RBFOX1: variants seen among roughly 807,000 people sequenced by gnomAD.
RBFOX1 encodes RNA binding fox-1 homolog 1.
Under a neutral mutation model 57.7 loss-of-function variants are expected in RBFOX1, and 8 were observed. That is an observed-to-expected ratio of 0.14 (90% confidence interval 0.08 to 0.25). The LOEUF (loss-of-function observed/expected upper bound fraction) is 0.25, where lower values mean the gene tolerates loss of function less well. RBFOX1 is among the 10% of genes least tolerant of loss of function. The pLI is 1.00. For missense variants in RBFOX1, 611 were observed against 548.5 expected, an observed-to-expected ratio of 1.11 and a Z score of -1.14; for synonymous variants, 326 against 222.4, an observed-to-expected ratio of 1.47 and a Z score of -4.15.
intron 3 of RBFOX1, among the ~76,000 whole-genome samples, chr16:6,725,087 G>A (rs943373256): frequency 8.8e-6 from 1 of 113,842 alleles, no homozygotes; most frequent in South Asian, 3.1e-4. Flanking sequence ...GTCTTGCTCT[G>A]TCGCCCTTGC....
intron 1 of RBFOX1, among the ~76,000 whole-genome samples, chr16:6,246,629 G>A (rs143680816): frequency 6.6e-6 from 1 of 152,278 alleles, no homozygotes; most frequent in East Asian, 1.9e-4. Flanking sequence ...GAGAAAATGA[G>A]AAAATATGCC....
intron 4 of RBFOX1, among the ~76,000 whole-genome samples, chr16:7,174,311 T>C (rs149028469): frequency 1.3e-5 from 2 of 152,196 alleles, no homozygotes; most frequent in Non-Finnish European, 2.9e-5. Flanking sequence ...GTTTATCCAT[T>C]TACCCATTTA....
At chr16:6,656,532 G>A (rs2098653495) in intron 3 of RBFOX1, among the ~76,000 whole-genome samples, 1 of 150,906 alleles carries the variant, frequency 6.6e-6, no homozygotes, top group Non-Finnish European at 1.5e-5. Context: ...CATCTTGGTG[G>A]GAAAAAGTCA....
chr16:7,623,540 T>A (rs1447061566), intron 10 of RBFOX1, among the ~76,000 whole-genome samples: 2 of 152,040 alleles, frequency 1.3e-5, no homozygotes, highest in African/African-American at 4.8e-5. Context: ...CTTCCACTTA[T>A]CTGACAGGAG....
At chr16:6,006,067 G>C (rs2094925384) in intron 4 of RBFOX1, among the ~76,000 whole-genome samples, 1 of 152,252 alleles carries the variant, frequency 6.6e-6, no homozygotes, top group South Asian at 2.1e-4. Flanking sequence ...CAGAGGTTGA[G>C]AGGCAATGAG....
chr16:7,144,417 C>CTTTTTTTTTTTTTT (rs1190886141), intron 4 of RBFOX1, among the ~76,000 whole-genome samples: 3 of 66,912 alleles, frequency 4.5e-5, no homozygotes, highest in African/African-American at 1.2e-4. Context: ...TTTCTTTCTT[C>CTTTTTTTTTTTTTT]TTTTTTTTTT....
intron 4 of RBFOX1, among the ~76,000 whole-genome samples, chr16:7,398,102 A>G (rs889914306): frequency 6.6e-6 from 1 of 152,188 alleles, no homozygotes; most frequent in African/African-American, 2.4e-5. Flanking sequence ...AGTAATTGAT[A>G]AAGAATTTGC....
At chr16:7,345,949 G>A (rs560590279) in intron 4 of RBFOX1, among the ~76,000 whole-genome samples, 2 of 152,138 alleles carry the variant, frequency 1.3e-5, no homozygotes, top group Admixed American at 6.5e-5. Context: ...TTTACATTAG[G>A]TATATCTCCT....
At chr16:6,889,007 T>C (rs899362539) in intron 3 of RBFOX1, among the ~76,000 whole-genome samples, 6 of 152,212 alleles carry the variant, frequency 3.9e-5, no homozygotes, top group African/African-American at 1.2e-4. Flanking sequence ...TCCACTTAGA[T>C]TGCAAATAAG....
intron 3 of RBFOX1, among the ~76,000 whole-genome samples, chr16:6,819,036 A>G (rs1161800668): frequency 6.6e-6 from 1 of 152,218 alleles, no homozygotes; most frequent in Non-Finnish European, 1.5e-5. Flanking sequence ...GAGATGGACT[A>G]TCAACGGCAT....
rs80331699 is a variant in RBFOX1, at chr16:7,460,193, T to C, written c.28-57954T>C. On this transcript the variant is annotated intron_variant, in intron 4 of 15. Transcript: ENST00000550418. ...GCTGTCATTCCTCCTGTTTCTATTA[T>C]AGCTGCCATTGCTCCAGACATCATG... 7.5e-3 allele frequency among the ~76,000 whole-genome samples: 1,140 copies of C among 151,736 alleles called. 16 individuals carry two copies. Among genetic ancestry groups the C allele is most frequent in the African/African-American group, 0.027 (1,098 of 41,300 alleles).
At chr16:5,638,394 C>T (rs1307942208) in intron 3 of RBFOX1, among the ~76,000 whole-genome samples, 1 of 152,022 alleles carries the variant, frequency 6.6e-6, no homozygotes, top group Non-Finnish European at 1.5e-5. Context: ...GACACACAGC[C>T]CTAGCAGGGG....
At chr16:7,089,730 A>G (rs1231937266) in intron 4 of RBFOX1, among the ~76,000 whole-genome samples, 3 of 152,176 alleles carry the variant, frequency 2.0e-5, no homozygotes, top group Non-Finnish European at 4.4e-5. Context: ...TTTGTTTCCT[A>G]GTAATTAATC....
At chr16:6,705,413 C>T (rs1319358) in intron 3 of RBFOX1, 1 of 151,868 alleles carries the variant, frequency 6.6e-6, no homozygotes, top group Non-Finnish European at 1.5e-5. Flanking sequence ...TATAGAAATA[C>T]CTACAGACAT....
intron 4 of RBFOX1, among the ~76,000 whole-genome samples, chr16:5,875,089 T>C (rs986164734): frequency 6.6e-6 from 1 of 152,176 alleles, no homozygotes; most frequent in Non-Finnish European, 1.5e-5. Flanking sequence ...CCAAAAGCAC[T>C]TAGCGGGGAG....
chr16:6,114,460 C>T (rs2096478287), intron 1 of RBFOX1, among the ~76,000 whole-genome samples: 1 of 152,166 alleles, frequency 6.6e-6, no homozygotes, highest in African/African-American at 2.4e-5. Flanking sequence ...GATCTCATTA[C>T]TTACAGTATA....
intron 2 of RBFOX1, among the ~76,000 whole-genome samples, chr16:6,428,817 G>A (rs1411991868): frequency 6.6e-6 from 1 of 152,116 alleles, no homozygotes; most frequent in Non-Finnish European, 1.5e-5. Context: ...AGTCAAAATG[G>A]CAATGGGAAG....
intron 1 of RBFOX1, among the ~76,000 whole-genome samples, chr16:6,211,380 C>T (rs2097296980): frequency 6.6e-6 from 1 of 151,958 alleles, no homozygotes; most frequent in Non-Finnish European, 1.5e-5. Context: ...AGGTGCCCAC[C>T]ACCACACCCG....
At chr16:7,550,123 G>A (rs938559116) in intron 5 of RBFOX1, among the ~76,000 whole-genome samples, 1 of 151,972 alleles carries the variant, frequency 6.6e-6, no homozygotes, top group African/African-American at 2.4e-5. Context: ...AGAGATGGAG[G>A]TCTTTCTATG....
Sources: gnomAD v4.1 joint callset for allele counts (sites outside exome capture counted in the v4.1 genomes callset) on GRCh38, gnomAD v4.1.1 for gene constraint, MANE v1.5 for transcripts, NCBI Gene and HGNC (gene_info 2026-07-23, HGNC 2026-07-21) for gene names.